Variants in AGAP1 observed in about 807,000 individuals in gnomAD.
The protein encoded by AGAP1 is arf-GAP with GTPase, ANK repeat and PH domain-containing protein 1.
A neutral mutation model predicts 105.3 loss-of-function variants in AGAP1; 29 were observed. The ratio of observed to expected loss-of-function variants is 0.28; its 90% CI spans 0.21 to 0.38. AGAP1 has a LOEUF of 0.38. AGAP1 is among the 10% of genes least tolerant of loss of function. The pLI is 1.00. For missense variants in AGAP1, 998 were observed against 1,165.1 expected, an observed-to-expected ratio of 0.86 and a Z score of 2.09; for synonymous variants, 509 against 485.9, an observed-to-expected ratio of 1.05 and a Z score of -0.63.
At chr2:235,519,875 T>C (rs1237014271) in intron 1 of AGAP1, among the ~76,000 whole-genome samples, 1 of 152,232 alleles carries the variant, frequency 6.6e-6, no homozygotes, top group East Asian at 1.9e-4. Flanking sequence ...CTCCACCTCC[T>C]GGGTTCAAGC....
chr2:235,816,367 G>C (rs1247689054), intron 9 of AGAP1, among the ~76,000 whole-genome samples: 1 of 151,620 alleles, frequency 6.6e-6, no homozygotes, highest in East Asian at 1.9e-4. Flanking sequence ...GAACCCGGGA[G>C]GCGGAGGTTG....
rs1240772028 is a variant in AGAP1 at position 236,024,690 on chromosome 2, G to A, written c.1646-11871G>A. On this transcript the variant is annotated intron_variant, in intron 13 of 17. Transcript: ENST00000304032. ...AGCCCGGATTCATGTAATGAGGAGG[G>A]ATTCCTTGTGAAATCAGTCTGATGG... Among the ~76,000 whole-genome samples, 3 of 152,238 alleles carry A rather than the reference G, an allele frequency of 2.0e-5. No homozygotes were observed. In the East Asian group the frequency reaches 5.8e-4, roughly 29 times the overall value.
At position 236,087,856 on chromosome 2, in the gene AGAP1, G is replaced by C. The variant is rs780588117; in HGVS notation, c.2115-32336G>C. Among the ~76,000 whole-genome samples the C allele has an allele frequency of 2.0e-5, 3 of 152,182 alleles. No individual in the cohort carries two copies. The highest frequency in any genetic ancestry group is 2.9e-5 in the Non-Finnish European group (2 of 68,034). ...GGAATAGACCAGAGGTCTTTGCCAG[G>C]AGGAGACGTTACAGCAGGTCCTCTC... On this transcript the variant is annotated intron_variant, in intron 16 of 17. Coordinates refer to ENST00000304032, the MANE Select transcript of AGAP1 (RefSeq NM_001037131.3). This position sits in a 1 kb window ranked among gnomAD's most constrained non-coding sequence, Gnocchi z 5.7.
At chr2:235,718,838 G>GA (rs1256094526) in intron 3 of AGAP1, among the ~76,000 whole-genome samples, 14 of 152,312 alleles carry the variant, frequency 9.2e-5, no homozygotes, top group African/African-American at 3.1e-4. Flanking sequence ...TGTTCACTGA[G>GA]AAATGCATAC....
At chr2:235,928,148 C>T (rs2052544249) in intron 11 of AGAP1, among the ~76,000 whole-genome samples, 1 of 152,204 alleles carries the variant, frequency 6.6e-6, no homozygotes, top group South Asian at 2.1e-4. Flanking sequence ...TGTCCTTTTC[C>T]ACCTTTGCGG....
intron 1 of AGAP1, among the ~76,000 whole-genome samples, chr2:235,598,197 C>T (rs1326140145): frequency 6.6e-6 from 1 of 151,948 alleles, no homozygotes; most frequent in Non-Finnish European, 1.5e-5. Context: ...TACAGCATCC[C>T]AGTCTGAGTG....
rs780440675 is a variant in AGAP1 at position 235,917,648 on chromosome 2, G to A, written c.1324+8742G>A. 4.7e-4 allele frequency among the ~76,000 whole-genome samples: 71 copies of A among 152,110 alleles called. 1 individual carries two copies. The highest frequency in any genetic ancestry group is 4.1e-4 in the South Asian group (2 of 4,820). Reference sequence around the variant, plus strand: ...TGAGAGGCTTCACGTGGTCCTGTTCGGGGGAGGCAATGAGGCACCGGCGGC... The same window carrying A: ...TGAGAGGCTTCACGTGGTCCTGTTCAGGGGAGGCAATGAGGCACCGGCGGC... On this transcript the variant is annotated intron_variant, in intron 11 of 17. Coordinates refer to ENST00000304032, the MANE Select transcript of AGAP1 (RefSeq NM_001037131.3).
At chr2:235,859,541 G>GTTTTT (rs34414886) in intron 9 of AGAP1, among the ~76,000 whole-genome samples, 2 of 144,656 alleles carry the variant, frequency 1.4e-5, no homozygotes, top group South Asian at 2.2e-4. Flanking sequence ...TTTCTGAGCA[G>GTTTTT]TTTTTTTTTT....
intron 1 of AGAP1, among the ~76,000 whole-genome samples, chr2:235,563,347 G>C (rs968084480): frequency 9.9e-5 from 15 of 152,122 alleles, no homozygotes; most frequent in African/African-American, 3.6e-4. Flanking sequence ...TCCTGTCCTG[G>C]CCACGGCTTG....
At chr2:235,869,420 TAAAAAAAAAAAAAAAAA>T (rs35813316) in intron 9 of AGAP1, among the ~76,000 whole-genome samples, 5 of 49,958 alleles carry the variant, frequency 1.0e-4, no homozygotes, top group Admixed American at 3.6e-4. Context: ...CCATCTCTAC[TAAAAAAAAAAAAAAAAA>T]AAAAAAAAAA....
intron 1 of AGAP1, among the ~76,000 whole-genome samples, chr2:235,573,075 TTTCTTCTTTC>T (rs1944621129): frequency 2.4e-5 from 3 of 124,186 alleles, no homozygotes; most frequent in African/African-American, 1.2e-4. Context: ...TTCTTTCTTC[TTTCTTCTTTC>T]TTCTTTCTTC....
In AGAP1 at chr2:235,719,108, A is replaced by T. The variant is rs530209685; in HGVS notation, c.310+1464A>T. Among the ~76,000 whole-genome samples the T allele has an allele frequency of 1.6e-3, 248 of 152,318 alleles. No individual in the cohort carries two copies. Among genetic ancestry groups the T allele is most frequent in the African/African-American group, 5.7e-3 (238 of 41,566 alleles). Reference sequence around the variant, plus strand: ...AATGAAATGACCACCTTTTCTAAGTAAATCTACTTTCAGGGCCCTGCAACT... The same window carrying T: ...AATGAAATGACCACCTTTTCTAAGTTAATCTACTTTCAGGGCCCTGCAACT... On this transcript the variant is annotated intron_variant, in intron 3 of 17. Coordinates refer to ENST00000304032, the MANE Select transcript of AGAP1 (RefSeq NM_001037131.3). This position sits in a 1 kb window ranked among gnomAD's most constrained non-coding sequence, Gnocchi z 4.9.
chr2:235,821,766 G>A (rs751587567), intron 9 of AGAP1, among the ~76,000 whole-genome samples: 1 of 152,072 alleles, frequency 6.6e-6, no homozygotes, highest in Non-Finnish European at 1.5e-5. Flanking sequence ...TTAATCTCAG[G>A]ATCCAATCCA....
Position 235,865,911 on chromosome 2 carries a change from G to T in AGAP1, c.1051-17434G>T, listed in dbSNP as rs1387506948. ...CTGGGGAAAGCCAGTTAATTGGGAT[G>T]TGTTTTTGCACACAACGAATGATTT... is the stretch of plus-strand genomic sequence containing the variant. On this transcript the variant is annotated intron_variant, in intron 9 of 17. Coordinates refer to ENST00000304032, the MANE Select transcript of AGAP1 (RefSeq NM_001037131.3). The surrounding 1 kb of genome is among the most constrained non-coding windows in gnomAD (Gnocchi z 6.2). Among the ~76,000 whole-genome samples, 1 of 152,190 alleles carries T rather than the reference G, an allele frequency of 6.6e-6. No individual in the cohort carries two copies. The highest frequency in any genetic ancestry group is 2.4e-5 in the African/African-American group (1 of 41,450).
In AGAP1 at chr2:235,970,529, C is replaced by T. The variant is rs1001813938; in HGVS notation, c.1645+1906C>T. Among the ~76,000 whole-genome samples the T allele has an allele frequency of 1.3e-5, 2 of 152,196 alleles. No homozygotes were observed. Among genetic ancestry groups the T allele is most frequent in the African/African-American group, 4.8e-5 (2 of 41,454 alleles). On this transcript the variant is annotated intron_variant, in intron 13 of 17. Coordinates refer to ENST00000304032, the MANE Select transcript of AGAP1 (RefSeq NM_001037131.3). The surrounding 1 kb of genome is among the most constrained non-coding windows in gnomAD (Gnocchi z 5.4). ...CACACAGGGGCGGGCGCCAGATTCC[C>T]TTTAAGGACAGGCCTTGTTCTCACT... is the stretch of plus-strand genomic sequence containing the variant.
At chr2:235,738,618 C>T (rs1463350362) in intron 3 of AGAP1, among the ~76,000 whole-genome samples, 2 of 150,902 alleles carry the variant, frequency 1.3e-5, no homozygotes, top group East Asian at 1.9e-4. Flanking sequence ...AGTGCAGTGG[C>T]GCAATCTCGG....
chr2:235,745,389 AGGG>A (rs1559426281), intron 5 of AGAP1, among the ~76,000 whole-genome samples: 1 of 152,114 alleles, frequency 6.6e-6, no homozygotes. Context: ...GTTTTCTCTG[AGGG>A]TCACTTCGAA....
chr2:235,922,170 G>A (rs1346497916), intron 11 of AGAP1, among the ~76,000 whole-genome samples: 1 of 152,202 alleles, frequency 6.6e-6, no homozygotes, highest in East Asian at 1.9e-4. Context: ...ATTTGAAGCT[G>A]CCTGTGAATG....
rs766518051 is a variant in AGAP1, at chr2:235,759,214, G to A, written c.673+8726G>A. On this transcript the variant is annotated intron_variant, in intron 6 of 17. Transcript: ENST00000304032. ...GATGGAGTCTCGCTCTGTCACCCAG[G>A]CTGGACTGCAGTGGTGTGATCTCAG... Among the ~76,000 whole-genome samples, 3 of 146,140 alleles carry A rather than the reference G, an allele frequency of 2.1e-5. No individual in the cohort carries two copies. The Admixed American group carries it at 2.1e-4, about 10-fold the overall frequency.
Sources: gnomAD v4.1 joint callset for allele counts (sites outside exome capture counted in the v4.1 genomes callset) on GRCh38, gnomAD v4.1.1 for gene constraint, Gnocchi (gnomAD v3.1) non-coding constraint, MANE v1.5 for transcripts, NCBI Gene and HGNC (gene_info 2026-07-23, HGNC 2026-07-21) for gene names.